The following NOTCH4 variants were observed in gnomAD, a reference collection of about 807,000 sequenced individuals.
The protein encoded by NOTCH4 is notch receptor 4, also known as neurogenic locus notch homolog protein 4.
Under a neutral mutation model 189.0 loss-of-function variants are expected in NOTCH4, and 138 were observed. That is an observed-to-expected ratio of 0.73 (90% CI 0.64 to 0.84). The LOEUF is 0.84. Ranked by LOEUF, NOTCH4 falls within the 40% of genes least tolerant of loss-of-function variation. The pLI is 0.00. For missense variants in NOTCH4, 2,286 were observed against 2,605.4 expected (o/e 0.88, Z 2.67); for synonymous variants, 942 against 1,032.8 (o/e 0.91, Z 1.69).
Position 32,202,897 on chromosome 6 carries a change from A to G in NOTCH4, c.3232-298T>C, listed in dbSNP as rs71565311. The G allele has an allele frequency of 2.8e-5, 8 of 282,380 alleles. No homozygotes were observed. Among genetic ancestry groups the G allele is most frequent in the Non-Finnish European group, 4.5e-5 (7 of 154,864 alleles). 17.5% of individuals were successfully genotyped at this position (282,380 alleles called of 1,614,324 possible). On this transcript the variant is annotated intron_variant, in intron 20 of 29. Coordinates refer to ENST00000375023, the MANE Select transcript of NOTCH4 (RefSeq NM_004557.4). This position sits in a 1 kb window ranked among gnomAD's most constrained non-coding sequence, Gnocchi z 5.7. ...AAGACTAAACAGTTAATAGAATGCTATTATATTATTATTATTATTATTTTT... is the reference window on the plus strand; with the variant it reads ...AAGACTAAACAGTTAATAGAATGCTGTTATATTATTATTATTATTATTTTT...
rs773724911 is a variant in NOTCH4 at position 32,198,429 on chromosome 6, C to T, written c.4748G>A (p.Arg1583His). 29 of 1,612,224 alleles carry T rather than the reference C, an allele frequency of 1.8e-5. No individual in the cohort carries two copies. The highest frequency in any genetic ancestry group is 4.0e-5 in the African/African-American group (3 of 74,676). ...SEMEAPDLDT[R>H]GPDGVTPLMS... ...TGGGTTGACTCACATACCAGGTCCACGGGTGTCCAGGTCAGGGGCTTCCAT... is the reference window on the plus strand; with the variant it reads ...TGGGTTGACTCACATACCAGGTCCATGGGTGTCCAGGTCAGGGGCTTCCAT... Residue 1583 changes from arginine (R) to histidine (H), a missense_variant, in exon 26 of 30, where the codon CGT becomes CAT. By Grantham distance (29) the Arg-to-His change is conservative (BLOSUM62 0). Around this residue, in one of 2 missense-constraint regions of NOTCH4, gnomAD observed 1,903 missense variants for 2,261.9 expected, o/e 0.84. Transcript: ENST00000375023. The surrounding 1 kb of genome is among the most constrained non-coding windows in gnomAD (Gnocchi z 5.5).
chr6:32,214,014 A>C (rs1490462539), intron 13 of NOTCH4, 96 bp downstream of exon 13: 1 of 1,467,046 alleles, frequency 6.8e-7, no homozygotes, highest in East Asian at 2.3e-5. Flanking sequence ...AGTTCTCCTT[A>C]GTGGTGACTG....
chr6:32,220,195 G>T lies in NOTCH4; in HGVS notation c.1249C>A (p.Leu417Ile). Residue 417 changes from leucine to isoleucine, a missense_variant, in exon 7 of 30, where the codon CTC (leucine) becomes ATC (isoleucine). Physicochemically the swap from Leu to Ile is conservative, Grantham distance 5 (BLOSUM62 2). Coordinates refer to ENST00000375023, the MANE Select transcript of NOTCH4 (RefSeq NM_004557.4). ...GAATAGCCAGGCTGACACAGGCAGA[G>T]TGTGGAGCCTGTGAGGGGGTTGGTG... ...CSTNPLTGST[L>I]CLCQPGYSGP... 6.2e-7 allele frequency: 1 copy of T among 1,614,012 alleles called. No individual in the cohort carries two copies. The highest frequency in any genetic ancestry group is 8.5e-7 in the Non-Finnish European group (1 of 1,179,964).
At position 32,203,494 on chromosome 6, in the gene NOTCH4, T is replaced by A. The variant is rs568689411; in HGVS notation, c.3231+276A>T. On this transcript the variant is annotated intron_variant, in intron 20 of 29. Transcript: ENST00000375023. Reference sequence around the variant, plus strand: ...ACACACACAGAGTTAAAATAACCTATCTGAGGCCACCCACCACGCAGCTTG... The same window carrying A: ...ACACACACAGAGTTAAAATAACCTAACTGAGGCCACCCACCACGCAGCTTG... 3 of 487,504 alleles carry A rather than the reference T, an allele frequency of 6.2e-6. No individual in the cohort carries two copies. The South Asian group carries it at 1.0e-4, about 17-fold the overall frequency. 30.2% of individuals were successfully genotyped at this position (487,504 alleles called of 1,614,324 possible).
Position 32,200,748 on chromosome 6 carries a change from T to C in NOTCH4, c.4315+83A>G. On this transcript the variant is annotated intron_variant, in intron 23 of 29. Coordinates refer to ENST00000375023, the MANE Select transcript of NOTCH4 (RefSeq NM_004557.4). This position sits in a 1 kb window ranked among gnomAD's most constrained non-coding sequence, Gnocchi z 5.0. Reference sequence around the variant, plus strand: ...ACATTTTCAGTCTCAGCTGTCCTGTTTGATTCAGCCTCCATTGCCTGTTGC... The same window carrying C: ...ACATTTTCAGTCTCAGCTGTCCTGTCTGATTCAGCCTCCATTGCCTGTTGC... The C allele has an allele frequency of 1.7e-6, 2 of 1,193,672 alleles. No individual in the cohort carries two copies. Among genetic ancestry groups the C allele is most frequent in the Non-Finnish European group, 2.3e-6 (2 of 863,418 alleles). The allele number at this position is 1,193,672 out of a possible 1,614,324, so 73.9% of individuals were successfully genotyped here.
Position 32,195,712 on chromosome 6 carries a change from C to T in NOTCH4, c.5737G>A (p.Gly1913Ser), listed in dbSNP as rs768322303. 7 of 1,612,900 alleles carry T rather than the reference C, an allele frequency of 4.3e-6. No homozygotes were observed. In the Admixed American group the frequency reaches 5.0e-5, roughly 12 times the overall value. ...CGCATGCCTGCAGAAAACCTACGGC[C>T]GCGAGGGGTCGGGCCTCCTCCTGCT... The part of the protein sequence containing the change: ...VGAGGGPTPR[G>S]RRFSAGMRGP... The change falls in exon 30 of 30, where the codon GGC becomes AGC. Residue 1913 changes from glycine to serine, a missense_variant. Transcript: ENST00000375023. The surrounding 1 kb of genome is among the most constrained non-coding windows in gnomAD (Gnocchi z 5.4).
rs1788294930 is a variant in NOTCH4 at position 32,200,879 on chromosome 6, G to T, written c.4267C>A (p.Pro1423Thr). 3.1e-6 allele frequency: 5 copies of T among 1,608,880 alleles called. No homozygotes were observed. The Admixed American group carries it at 6.7e-5, about 22-fold the overall frequency. Residue 1423 changes from proline to threonine, a missense_variant, in exon 23 of 30, where the codon CCC (proline) becomes ACC (threonine). This residue lies in a region of NOTCH4 where 1,903 missense variants were observed against 2,261.9 expected (regional missense o/e 0.84). Transcript: ENST00000375023. The surrounding 1 kb of genome is among the most constrained non-coding windows in gnomAD (Gnocchi z 5.0). ...AAMAAVGALE[P>T]LLPGPLLAVH... Reference sequence around the variant, plus strand: ...GCCAGCAGTGGTCCAGGCAGCAGGGGCTCCAGGGCTCCCACTGCAGCCATC... The same window carrying T: ...GCCAGCAGTGGTCCAGGCAGCAGGGTCTCCAGGGCTCCCACTGCAGCCATC...
At position 32,210,973 on chromosome 6, in the gene NOTCH4, GT is replaced by G; in HGVS notation, c.2681-38del. The G allele has an allele frequency of 6.5e-7, 1 of 1,529,636 alleles. No individual in the cohort carries two copies. Among genetic ancestry groups the G allele is most frequent in the Non-Finnish European group, 8.8e-7 (1 of 1,139,498 alleles). 94.8% of individuals were successfully genotyped at this position (1,529,636 alleles called of 1,614,324 possible). A position where few individuals can be genotyped will look rare whatever the true frequency, so the allele number is the denominator to read the frequency against. On this transcript the variant is annotated intron_variant, in intron 17 of 29. Coordinates refer to ENST00000375023, the MANE Select transcript of NOTCH4 (RefSeq NM_004557.4). This position sits in a 1 kb window ranked among gnomAD's most constrained non-coding sequence, Gnocchi z 4.8. ...GACAAACAGGGATATACAAAGATAAGTGGGGGGCCGGGCGCCATGGCTTACG... is the reference window on the plus strand; with the variant it reads ...GACAAACAGGGATATACAAAGATAAGGGGGGGCCGGGCGCCATGGCTTACG...
At position 32,223,888 on chromosome 6, in the gene NOTCH4, AG is replaced by A; in HGVS notation, c.40del (p.Leu14CysfsTer29). ...PSLLLLLLLL[L>X]LLCVSVVRPR... is the part of the protein sequence containing the mutation. ...TCTGACCACTGAGACACATAGCAGCAGCAGCAGCAGCAGCAGCAGCAGCAGT... is the reference window on the plus strand; with the variant it reads ...TCTGACCACTGAGACACATAGCAGCACAGCAGCAGCAGCAGCAGCAGCAGT... On this transcript the variant is annotated frameshift_variant, in exon 1 of 30. Transcript: ENST00000375023. LOFTEE classifies it high-confidence loss of function. 7.8e-7 allele frequency: 1 copy of A among 1,275,214 alleles called. No homozygotes were observed. Among genetic ancestry groups the A allele is most frequent in the South Asian group, 1.5e-5 (1 of 67,974 alleles). The allele number at this position is 1,275,214 out of a possible 1,614,324, so 79.0% of individuals were successfully genotyped here.
intron 28 of NOTCH4, 137 bp downstream of exon 28, chr6:32,196,788 C>T: frequency 8.6e-7 from 1 of 1,163,392 alleles, no homozygotes; most frequent in South Asian, 1.4e-5. Context: ...GCCCGTACTT[C>T]CACCGCATCT....
intron 8 of NOTCH4, among the ~76,000 whole-genome samples, chr6:32,218,898 C>A (rs1440161120): frequency 1.3e-5 from 2 of 152,208 alleles, no homozygotes; most frequent in African/African-American, 4.8e-5. Context: ...CACTTAAACT[C>A]TCTGTGCCTC....
chr6:32,199,221 G>T lies in NOTCH4; in HGVS notation c.4316-76C>A. 1 of 1,144,372 alleles carries T rather than the reference G, an allele frequency of 8.7e-7. No individual in the cohort carries two copies. The highest frequency in any genetic ancestry group is 1.2e-6 in the Non-Finnish European group (1 of 824,018). 70.9% of individuals were successfully genotyped at this position (1,144,372 alleles called of 1,614,324 possible). ...TTACTATTGGGAGACCTTTGGACAA[G>T]TTTAGTAGCCGGTCTTTGCCTCGGT... is the stretch of plus-strand genomic sequence containing the variant. On this transcript the variant is annotated intron_variant, in intron 23 of 29. Coordinates refer to ENST00000375023, the MANE Select transcript of NOTCH4 (RefSeq NM_004557.4). This position sits in a 1 kb window ranked among gnomAD's most constrained non-coding sequence, Gnocchi z 4.9.
At position 32,211,077 on chromosome 6, in the gene NOTCH4, G is replaced by A. The variant is rs1788986529; in HGVS notation, c.2681-141C>T. The A allele has an allele frequency of 1.5e-5, 11 of 735,778 alleles. No homozygotes were observed. In the East Asian group the frequency reaches 3.4e-4, roughly 23 times the overall value. 45.6% of individuals were successfully genotyped at this position (735,778 alleles called of 1,614,324 possible). Reference sequence around the variant, plus strand: ...AGTGTGAGACCAGCCTGGCAAACATGGGGAAACCCCGTCTCTACTAAAAAT... The same window carrying A: ...AGTGTGAGACCAGCCTGGCAAACATAGGGAAACCCCGTCTCTACTAAAAAT... On this transcript the variant is annotated intron_variant, in intron 17 of 29. Coordinates refer to ENST00000375023, the MANE Select transcript of NOTCH4 (RefSeq NM_004557.4).
chr6:32,212,802 G>T lies in NOTCH4; in HGVS notation c.2526+22C>A, dbSNP rs758152639. ...TCCCAGCCACTTCCCTCCTCAGCAC[G>T]CCTGACTTCAATGGCCCTCACCTGG... On this transcript the variant is annotated intron_variant, in intron 16 of 29. Transcript: ENST00000375023. This position sits in a 1 kb window ranked among gnomAD's most constrained non-coding sequence, Gnocchi z 4.4. The T allele has an allele frequency of 1.3e-6, 2 of 1,507,322 alleles. No homozygotes were observed. Among genetic ancestry groups the T allele is most frequent in the Non-Finnish European group, 1.8e-6 (2 of 1,124,306 alleles). 93.4% of individuals were successfully genotyped at this position (1,507,322 alleles called of 1,614,324 possible). A position where few individuals can be genotyped will look rare whatever the true frequency, so the allele number is the denominator to read the frequency against.
rs761594313 is a variant in NOTCH4, at chr6:32,198,780, G to T, written c.4536-50C>A. The T allele has an allele frequency of 6.5e-6, 10 of 1,547,440 alleles. No homozygotes were observed. In the African/African-American group the frequency reaches 1.1e-4, roughly 17 times the overall value. Reference sequence around the variant, plus strand: ...GTTACACGGAATTATGACCATCAGGGTCTCCAAAATTTCCAGCAGGCTTCC... The same window carrying T: ...GTTACACGGAATTATGACCATCAGGTTCTCCAAAATTTCCAGCAGGCTTCC... On this transcript the variant is annotated intron_variant, in intron 24 of 29. Coordinates refer to ENST00000375023, the MANE Select transcript of NOTCH4 (RefSeq NM_004557.4). The surrounding 1 kb of genome is among the most constrained non-coding windows in gnomAD (Gnocchi z 5.5).
In NOTCH4 at chr6:32,196,160, A is replaced by G; in HGVS notation, c.5299-10T>C. The G allele has an allele frequency of 6.3e-7, 1 of 1,590,224 alleles. No individual in the cohort carries two copies. The highest frequency in any genetic ancestry group is 1.1e-5 in the South Asian group (1 of 89,854). On this transcript the variant is annotated splice_polypyrimidine_tract_variant and intron_variant, in intron 29 of 29. Transcript: ENST00000375023. ...ATAGCGGCGTCTGCTCCTGTACAGA[A>G]GAGCCAGGGCCGATATCAGGGAAGG...
In NOTCH4 at chr6:32,223,967, T is replaced by C. The variant is rs761027889; in HGVS notation, c.-39A>G. The C allele has an allele frequency of 8.9e-6, 14 of 1,564,758 alleles. No individual in the cohort carries two copies. In the Middle Eastern group the frequency reaches 5.2e-4, roughly 58 times the overall value. ...CTCCAAGCCCCGGTCCCTGTCCCTC[T>C]TCAGGCAGGGACCCTCAGAGCTCTC... On this transcript the variant is annotated 5_prime_UTR_variant, in exon 1 of 30. Coordinates refer to ENST00000375023, the MANE Select transcript of NOTCH4 (RefSeq NM_004557.4).
At chr6:32,214,466 G>GATATATATATAT (rs1554151235) in intron 12 of NOTCH4, among the ~76,000 whole-genome samples, 7 of 116,734 alleles carry the variant, frequency 6.0e-5, no homozygotes, top group African/African-American at 9.6e-5. Context: ...TCTAGTTGGA[G>GATATATATATAT]ATATATATAT....
In NOTCH4 at chr6:32,215,313, T is replaced by A. The variant is rs573820604; in HGVS notation, c.1934A>T (p.Asp645Val). The A allele has an allele frequency of 8.1e-6, 13 of 1,609,440 alleles. No individual in the cohort carries two copies. The East Asian group carries it at 1.8e-4, about 22-fold the overall frequency. ...ATCAGGACAGAGGCAGTTGGCCTTG[T>A]CTTTCTGGTCCTTACATATCTGCTT... is the stretch of plus-strand genomic sequence containing the variant. ...QPKQICKDQK[D>V]KANCLCPDGS... The change falls in exon 12 of 30, where the codon GAC (aspartate) becomes GTC (valine). Residue 645 changes from aspartate (D) to valine (V), a missense_variant. This residue lies in a region of NOTCH4 where 1,903 missense variants were observed against 2,261.9 expected (regional missense o/e 0.84). Coordinates refer to ENST00000375023, the MANE Select transcript of NOTCH4 (RefSeq NM_004557.4).
Sources: allele counts gnomAD v4.1 joint callset (sites outside exome capture counted in the v4.1 genomes callset), GRCh38; gene constraint gnomAD v4.1.1; regional missense constraint gnomAD v4.1.1; non-coding constraint Gnocchi (gnomAD v3.1); transcripts MANE v1.5; gene names NCBI Gene and HGNC (gene_info 2026-07-23, HGNC 2026-07-21).